The following VSIG1 variants were observed in gnomAD, a reference collection of about 807,000 sequenced individuals.
VSIG1 encodes V-set and immunoglobulin domain containing 1.
A neutral mutation model predicts 20.1 loss-of-function variants in VSIG1; 11 were observed. The ratio of observed to expected loss-of-function variants is 0.55; its 90% confidence interval spans 0.34 to 0.91. The LOEUF (loss-of-function observed/expected upper bound fraction) is 0.91, where lower values mean the gene tolerates loss of function less well. Ranked by LOEUF, VSIG1 falls within the 40% of genes least tolerant of loss-of-function variation. The pLI is 0.02. For missense variants in VSIG1, 283 were observed against 298.8 expected, an observed-to-expected ratio of 0.95 and a Z score of 0.39; for synonymous variants, 126 against 116.7, an observed-to-expected ratio of 1.08 and a Z score of -0.52.
the VSIG1 span, among the ~76,000 whole-genome samples, chrX:108,025,117 T>C: frequency 6.3e-5 from 7 of 111,891 alleles, no homozygotes; most frequent in East Asian, 1.7e-3. Context: ...TTGCTTCATA[T>C]ATTTTCAGGC....
upstream of VSIG1, among the ~76,000 whole-genome samples, chrX:108,044,295 A>G (rs1178043010): frequency 8.9e-6 from 1 of 111,741 alleles, no homozygotes; most frequent in Non-Finnish European, 1.9e-5. Flanking sequence ...TGTTCCCATG[A>G]AAGTTCCTTA....
chrX:108,047,983 T>TATATACAC (rs2030692539), intron 1 of VSIG1, among the ~76,000 whole-genome samples: 2 of 68,474 alleles, frequency 2.9e-5, no homozygotes, highest in African/African-American at 6.5e-5. Flanking sequence ...TATATATATA[T>TATATACAC]ATATATATAT....
chrX:108,021,430 G>A, the VSIG1 span, among the ~76,000 whole-genome samples: 1 of 111,734 alleles, frequency 8.9e-6, no homozygotes, highest in African/African-American at 3.3e-5. Flanking sequence ...ATTGAGTTGT[G>A]ATAGTACTTA....
At chrX:108,059,394 A>G (rs1362725463) in intron 2 of VSIG1, among the ~76,000 whole-genome samples, 1 of 111,663 alleles carries the variant, frequency 9.0e-6, no homozygotes, top group East Asian at 2.8e-4. Flanking sequence ...GATTCCATCA[A>G]TGCCACTCTC....
At position 108,077,482 on chromosome X, in the gene VSIG1, C is replaced by A. The variant is rs2031375391; in HGVS notation, c.*101C>A. 1 of 966,630 alleles carries A rather than the reference C, an allele frequency of 1.0e-6. No individual in the cohort carries two copies. The highest frequency in any genetic ancestry group is 1.4e-6 in the Non-Finnish European group (1 of 705,251). 79.7% of individuals were successfully genotyped at this position (966,630 alleles called of 1,213,427 possible). On this transcript the variant is annotated 3_prime_UTR_variant, in exon 7 of 7. Coordinates refer to ENST00000217957, the MANE Select transcript of VSIG1 (RefSeq NM_182607.5). ...CTCCACCTCCTCCTTCCATTTTGAC[C>A]AACCTTCTTCTAACAAGGTGCTCAT...
the VSIG1 span, among the ~76,000 whole-genome samples, chrX:108,027,929 A>G: frequency 2.7e-5 from 3 of 111,153 alleles, no homozygotes; most frequent in Non-Finnish European, 5.7e-5. Context: ...TCTGATTTCC[A>G]TCATGTTTCT....
intron 1 of VSIG1, among the ~76,000 whole-genome samples, chrX:108,053,541 T>C (rs1385828762): frequency 9.1e-6 from 1 of 110,006 alleles, no homozygotes; most frequent in Non-Finnish European, 1.9e-5. Context: ...CAAGTAACTA[T>C]CAGAAAAGCA....
chrX:108,047,701 G>A (rs2030610660), intron 1 of VSIG1, among the ~76,000 whole-genome samples: 1 of 97,188 alleles, frequency 1.0e-5, no homozygotes, highest in Admixed American at 1.2e-4. Flanking sequence ...CCTTCTATAA[G>A]CAAAATGTTT....
the VSIG1 span, among the ~76,000 whole-genome samples, chrX:108,019,934 C>A: frequency 1.1e-3 from 124 of 111,599 alleles, no homozygotes; most frequent in East Asian, 0.027. Flanking sequence ...TATCCTTTCC[C>A]CACACAGGAG....
chrX:108,070,739 C>T (rs982290575), intron 3 of VSIG1, among the ~76,000 whole-genome samples: 5 of 112,388 alleles, frequency 4.4e-5, no homozygotes, highest in Non-Finnish European at 7.5e-5. Flanking sequence ...CAAGTTGTTC[C>T]TACCTGAGAA....
Position 108,058,021 on chromosome X carries a change from T to A in VSIG1, c.50-17T>A. 8.4e-7 allele frequency: 1 copy of A among 1,195,270 alleles called. No individual in the cohort carries two copies. The highest frequency in any genetic ancestry group is 3.0e-5 in the East Asian group (1 of 33,487). On this transcript the variant is annotated splice_polypyrimidine_tract_variant and intron_variant, in intron 1 of 6. Coordinates refer to ENST00000217957, the MANE Select transcript of VSIG1 (RefSeq NM_182607.5). Reference sequence around the variant, plus strand: ...TTTGAGTATGTACTATTGATTTTTTTATGATTATCTTTTCAGGTCAGGTTA... The same window carrying A: ...TTTGAGTATGTACTATTGATTTTTTAATGATTATCTTTTCAGGTCAGGTTA...
the VSIG1 span, among the ~76,000 whole-genome samples, chrX:108,039,709 G>C: frequency 9.0e-6 from 1 of 110,715 alleles, no homozygotes; most frequent in East Asian, 2.8e-4. Context: ...CAGATGAAGA[G>C]GGGGGCAGCA....
intron 1 of VSIG1, among the ~76,000 whole-genome samples, chrX:108,047,961 CATATATATATATATATATAT>C (rs1172282311): frequency 2.5e-4 from 5 of 19,940 alleles, no homozygotes; most frequent in African/African-American, 1.1e-3. Context: ...TATACACACA[CATATATATATATATATATAT>C]ATATATATAT....
intron 6 of VSIG1, 70 bp from the exon 7 acceptor site, chrX:108,076,978 A>G: frequency 9.9e-7 from 1 of 1,014,632 alleles, no homozygotes; most frequent in Non-Finnish European, 1.3e-6. Flanking sequence ...TACAGAACAT[A>G]TGGTTTCACA....
At chrX:108,069,484 A>G (rs964616642) in intron 3 of VSIG1, among the ~76,000 whole-genome samples, 1 of 112,162 alleles carries the variant, frequency 8.9e-6, no homozygotes, top group African/African-American at 3.2e-5. Context: ...ATCTCATTGT[A>G]TATGAGTGAC....
At chrX:108,040,107 A>G (rs2030456358), upstream of VSIG1, among the ~76,000 whole-genome samples, 1 of 111,522 alleles carries the variant, frequency 9.0e-6, no homozygotes. Flanking sequence ...CCAGAAGAAA[A>G]TGTTTATAAC....
the VSIG1 span, among the ~76,000 whole-genome samples, chrX:108,033,841 G>A: frequency 9.0e-6 from 1 of 110,595 alleles, no homozygotes; most frequent in Non-Finnish European, 1.9e-5. Flanking sequence ...CTGAAAAAAA[G>A]CCTTAACAGA....
chrX:108,036,713 G>C, the VSIG1 span, among the ~76,000 whole-genome samples: 2 of 111,856 alleles, frequency 1.8e-5, no homozygotes, highest in Admixed American at 9.5e-5. Flanking sequence ...CCTTCAATAC[G>C]CCCTTGAAAT....
chrX:108,059,290 T>G, intron 2 of VSIG1, among the ~76,000 whole-genome samples: 1 of 111,640 alleles, frequency 9.0e-6, no homozygotes, highest in Non-Finnish European at 1.9e-5. Flanking sequence ...CGTTGGCCAG[T>G]GTCACTTCAG....
Sources: gnomAD v4.1 joint callset for allele counts (sites outside exome capture counted in the v4.1 genomes callset) on GRCh38, gnomAD v4.1.1 for gene constraint, MANE v1.5 for transcripts, NCBI Gene and HGNC (gene_info 2026-07-23, HGNC 2026-07-21) for gene names.